RIT2: variants seen among roughly 807,000 people sequenced by gnomAD.
The protein encoded by RIT2 is GTP-binding protein Rit2.
RIT2 carries 24 observed loss-of-function variants against 23.7 expected under a neutral mutation model. The observed-to-expected ratio is 1.01, with a 90% CI of 0.73 to 1.43. The LOEUF is 1.43. Among genes scored for constraint, RIT2 ranks in the 40% most tolerant of loss-of-function variants. The pLI, the probability that RIT2 is intolerant of heterozygous loss-of-function variation, is 0.00. For synonymous variants in RIT2, 107 were observed against 91.1 expected, an observed-to-expected ratio of 1.17 and a Z score of -0.99; for missense variants, 236 against 266.9, an observed-to-expected ratio of 0.88 and a Z score of 0.81.
intron 4 of RIT2, among the ~76,000 whole-genome samples, chr18:42,849,712 C>T (rs1437245118): frequency 1.3e-5 from 2 of 152,156 alleles, no homozygotes; most frequent in Non-Finnish European, 2.9e-5. Flanking sequence ...AATCATGGAA[C>T]ATTTATTCTT....
intron 4 of RIT2, among the ~76,000 whole-genome samples, chr18:42,794,926 T>C (rs536378153): frequency 8.0e-4 from 122 of 152,354 alleles, no homozygotes; most frequent in African/African-American, 2.7e-3. Flanking sequence ...CATTTACTTA[T>C]GACATTTCTT....
intron 4 of RIT2, among the ~76,000 whole-genome samples, chr18:42,788,741 C>A (rs1221098855): frequency 6.6e-6 from 1 of 152,110 alleles, no homozygotes; most frequent in African/African-American, 2.4e-5. Flanking sequence ...CAAGGTAATT[C>A]ATTCCTTTCT....
At chr18:42,879,493 T>C (rs1907832128) in intron 4 of RIT2, among the ~76,000 whole-genome samples, 1 of 152,162 alleles carries the variant, frequency 6.6e-6, no homozygotes, top group Non-Finnish European at 1.5e-5. Context: ...GAAGCTATTT[T>C]CATTTATGAT....
intron 2 of RIT2, among the ~76,000 whole-genome samples, chr18:42,997,773 A>C (rs973834200): frequency 1.3e-5 from 2 of 152,206 alleles, no homozygotes; most frequent in African/African-American, 4.8e-5. Context: ...ACACTATTTT[A>C]CCATCTCAAG....
Position 43,028,924 on chromosome 18 carries a change from A to C in RIT2, c.160+4887T>G, listed in dbSNP as rs557192889. 3.9e-5 allele frequency among the ~76,000 whole-genome samples: 6 copies of C among 152,188 alleles called. No individual in the cohort carries two copies. In the South Asian group the frequency reaches 1.2e-3, roughly 31 times the overall value. ...TAATTCAAACGTAGTATTTTTCTAA[A>C]TTCCTAGCTTAAGAAGTATTCTCAA... On this transcript the variant is annotated intron_variant, in intron 2 of 4. Coordinates refer to ENST00000326695, the MANE Select transcript of RIT2 (RefSeq NM_002930.4).
intron 2 of RIT2, among the ~76,000 whole-genome samples, chr18:42,977,073 T>C (rs1227343306): frequency 3.3e-5 from 5 of 152,052 alleles, no homozygotes; most frequent in Non-Finnish European, 7.4e-5. Context: ...GGTTTAATTT[T>C]AGAAACGTTG....
At chr18:42,933,513 G>C (rs904501775) in intron 3 of RIT2, among the ~76,000 whole-genome samples, 1 of 152,058 alleles carries the variant, frequency 6.6e-6, no homozygotes, top group Non-Finnish European at 1.5e-5. Context: ...TCGTGGAGGC[G>C]GTTACCTCCA....
At position 42,746,299 on chromosome 18, in the gene RIT2, T is replaced by C. The variant is rs138598889; in HGVS notation, c.427-2579A>G. On this transcript the variant is annotated intron_variant, in intron 4 of 4. Coordinates refer to ENST00000326695, the MANE Select transcript of RIT2 (RefSeq NM_002930.4). ...CAGAATTTTAAAAGAATAATTCAAC[T>C]GACCACAGTCAATATAAATGCATTA... Among the ~76,000 whole-genome samples, 514 of 152,204 alleles carry C rather than the reference T, an allele frequency of 3.4e-3. 2 individuals carry two copies. The highest frequency in any genetic ancestry group is 0.023 in the South Asian group (113 of 4,832).
At chr18:43,101,055 G>GTA (rs532659924) in intron 1 of RIT2, among the ~76,000 whole-genome samples, 7,945 of 150,988 alleles carry the variant, frequency 0.053, 243 homozygotes, top group South Asian at 0.13. Flanking sequence ...GTATGTGTGT[G>GTA]TATATATATA....
chr18:43,096,770 T>A (rs1913564275), intron 1 of RIT2, among the ~76,000 whole-genome samples: 1 of 151,874 alleles, frequency 6.6e-6, no homozygotes, highest in Non-Finnish European at 1.5e-5. Flanking sequence ...TTAATATGTA[T>A]CAAGAAATTC....
At chr18:42,880,187 G>A (rs547647027) in intron 4 of RIT2, among the ~76,000 whole-genome samples, 1 of 152,160 alleles carries the variant, frequency 6.6e-6, no homozygotes, top group African/African-American at 2.4e-5. Flanking sequence ...CGTATTATAG[G>A]TTCTTCTTAT....
At chr18:42,845,444 T>C (rs1568011064) in intron 4 of RIT2, among the ~76,000 whole-genome samples, 1 of 150,450 alleles carries the variant, frequency 6.6e-6, no homozygotes, top group Non-Finnish European at 1.5e-5. Context: ...ATTTTATTTT[T>C]TTAAGGGAAA....
At chr18:42,923,883 A>C (rs1909117884) in intron 3 of RIT2, 120 bp from the exon 4 acceptor site, 1 of 774,932 alleles carries the variant, frequency 1.3e-6, no homozygotes, top group African/African-American at 1.8e-5. Context: ...TTGATATTTA[A>C]TCATAGGAGA....
At chr18:42,978,362 A>T (rs1351280283) in intron 2 of RIT2, among the ~76,000 whole-genome samples, 3 of 151,208 alleles carry the variant, frequency 2.0e-5, no homozygotes, top group African/African-American at 7.3e-5. Context: ...CATTGTGGGG[A>T]ATCTAGGTCA....
chr18:43,003,183 G>A (rs544537674), intron 2 of RIT2, among the ~76,000 whole-genome samples: 48 of 152,036 alleles, frequency 3.2e-4, no homozygotes, highest in Middle Eastern at 6.8e-3. Context: ...AATATGCATT[G>A]TTATAAGTCA....
chr18:42,978,315 T>C (rs1910518498), intron 2 of RIT2, among the ~76,000 whole-genome samples: 1 of 149,688 alleles, frequency 6.7e-6, no homozygotes. Flanking sequence ...TTTTTTTTTT[T>C]CTCTCTTTTA....
At chr18:42,809,405 C>A (rs1905775678) in intron 4 of RIT2, among the ~76,000 whole-genome samples, 1 of 151,920 alleles carries the variant, frequency 6.6e-6, no homozygotes, top group South Asian at 2.1e-4. Flanking sequence ...TCAGTTTGAG[C>A]CATGAAACTG....
chr18:43,016,863 C>T (rs1458764261), intron 2 of RIT2, among the ~76,000 whole-genome samples: 2 of 151,862 alleles, frequency 1.3e-5, no homozygotes, highest in Non-Finnish European at 2.9e-5. Context: ...AGAATGTTGT[C>T]CTCCTTAGTC....
At chr18:43,088,465 C>T (rs1913338175) in intron 1 of RIT2, among the ~76,000 whole-genome samples, 1 of 152,078 alleles carries the variant, frequency 6.6e-6, no homozygotes. Flanking sequence ...ATGGATACCT[C>T]TATTGCATAA....
Sources: gnomAD v4.1 joint callset for allele counts (sites outside exome capture counted in the v4.1 genomes callset) on GRCh38, gnomAD v4.1.1 for gene constraint, MANE v1.5 for transcripts, NCBI Gene and HGNC (gene_info 2026-07-23, HGNC 2026-07-21) for gene names.